Variants in SHISA9 observed in about 807,000 individuals in gnomAD.
SHISA9 encodes the protein shisa family member 9.
A neutral mutation model predicts 38.0 loss-of-function variants in SHISA9; 13 were observed. The ratio of observed to expected loss-of-function variants is 0.34; its 90% CI spans 0.22 to 0.54. The LOEUF (loss-of-function observed/expected upper bound fraction) is 0.54, where lower values mean the gene tolerates loss of function less well. Among genes scored for constraint, SHISA9 ranks in the 20% least tolerant of loss-of-function variants. The pLI is 0.91. For missense variants in SHISA9, 538 were observed against 575.8 expected (o/e 0.93, Z 0.67); for synonymous variants, 275 against 242.0 (o/e 1.14, Z -1.27).
At chr16:13,136,600 A>G (rs189038613) in intron 2 of SHISA9, among the ~76,000 whole-genome samples, 14 of 151,986 alleles carry the variant, frequency 9.2e-5, no homozygotes, top group Admixed American at 6.6e-4. Context: ...GGGTTTCACT[A>G]TGTTGGCTGG....
chr16:13,500,662 A>G, the SHISA9 span, among the ~76,000 whole-genome samples: 1 of 151,994 alleles, frequency 6.6e-6, no homozygotes. Flanking sequence ...GGGGAGAGAG[A>G]GACCAGAGAC....
chr16:13,151,162 AG>A (rs1405786635), intron 2 of SHISA9, among the ~76,000 whole-genome samples: 1 of 152,140 alleles, frequency 6.6e-6, no homozygotes, highest in Admixed American at 6.6e-5. Context: ...GCTGGAGTGC[AG>A]GGGTGCAATC....
chr16:13,081,435 A>T (rs899111562), intron 2 of SHISA9, among the ~76,000 whole-genome samples: 1 of 152,222 alleles, frequency 6.6e-6, no homozygotes, highest in Admixed American at 6.5e-5. Flanking sequence ...GAATAGGCCA[A>T]GGGAAACTGG....
At chr16:13,043,548 A>G (rs1388660563) in intron 2 of SHISA9, among the ~76,000 whole-genome samples, 1 of 152,104 alleles carries the variant, frequency 6.6e-6, no homozygotes, top group Non-Finnish European at 1.5e-5. Context: ...AATTGCAAAA[A>G]CCACAATTAC....
At chr16:13,442,168 A>G in the SHISA9 span, among the ~76,000 whole-genome samples, 3 of 152,258 alleles carry the variant, frequency 2.0e-5, no homozygotes, top group Admixed American at 2.0e-4. Context: ...TAGACCTCCT[A>G]GTTTTGTTGT....
At chr16:13,155,629 C>T (rs1395114398) in intron 2 of SHISA9, among the ~76,000 whole-genome samples, 1 of 151,922 alleles carries the variant, frequency 6.6e-6, no homozygotes, top group Non-Finnish European at 1.5e-5. Context: ...TACATATGCA[C>T]ATATGGTGGG....
At chr16:13,086,371 AAAAAGAAG>A (rs2073710881) in intron 2 of SHISA9, among the ~76,000 whole-genome samples, 1 of 140,890 alleles carries the variant, frequency 7.1e-6, no homozygotes, top group Admixed American at 8.2e-5. Flanking sequence ...AAAAAAAAAA[AAAAAGAAG>A]AAGAATATTG....
In SHISA9 at chr16:12,902,161, G is replaced by T. The variant is rs2071025373; in HGVS notation, c.97G>T (p.Ala33Ser). Residue 33 changes from alanine (A) to serine (S), a missense_variant, in exon 1 of 5, where the codon GCG becomes TCG. Ala to Ser is a moderately conservative substitution (Grantham distance 99). Around this residue, in one of 4 missense-constraint regions of SHISA9, gnomAD observed 107 missense variants for 103.0 expected, o/e 1.04. Coordinates refer to ENST00000558583, the MANE Select transcript of SHISA9 (RefSeq NM_001145204.3). Reference sequence around the variant, plus strand: ...GGAGCGAGCGGGACACGGGCAGCTGGCGCAACTGGGCGGCGTGTTGCTGCT... The same window carrying T: ...GGAGCGAGCGGGACACGGGCAGCTGTCGCAACTGGGCGGCGTGTTGCTGCT... ...AQERAGHGQL[A>S]QLGGVLLLAG... The T allele has an allele frequency of 6.5e-7, 1 of 1,527,266 alleles. No homozygotes were observed. Among genetic ancestry groups the T allele is most frequent in the Non-Finnish European group, 8.7e-7 (1 of 1,142,980 alleles). The allele number at this position is 1,527,266 out of a possible 1,614,324, so 94.6% of individuals were successfully genotyped here. A position where few individuals can be genotyped will look rare whatever the true frequency, so the allele number is the denominator to read the frequency against.
At chr16:13,146,023 A>G (rs943539671) in intron 2 of SHISA9, among the ~76,000 whole-genome samples, 5 of 152,360 alleles carry the variant, frequency 3.3e-5, no homozygotes, top group African/African-American at 1.2e-4. Context: ...CCCTGTCTTT[A>G]CTAAAGATAC....
chr16:13,124,186 C>T (rs2050237354), intron 2 of SHISA9, among the ~76,000 whole-genome samples: 2 of 152,214 alleles, frequency 1.3e-5, no homozygotes, highest in Non-Finnish European at 2.9e-5. Context: ...CAATTTACCT[C>T]TTAAAGCCTG....
chr16:13,294,044 C>T, the SHISA9 span, among the ~76,000 whole-genome samples: 18 of 152,274 alleles, frequency 1.2e-4, no homozygotes, highest in African/African-American at 4.1e-4. Flanking sequence ...GCAAGCTACA[C>T]AAGCAAGCCA....
chr16:13,483,541 C>G, the SHISA9 span, among the ~76,000 whole-genome samples: 1 of 152,064 alleles, frequency 6.6e-6, no homozygotes, highest in Non-Finnish European at 1.5e-5. Context: ...GCTTCCATAG[C>G]CTTTTTCCAG....
At chr16:12,969,087 G>A (rs1036408614) in intron 2 of SHISA9, among the ~76,000 whole-genome samples, 2 of 151,532 alleles carry the variant, frequency 1.3e-5, no homozygotes, top group Non-Finnish European at 2.9e-5. Context: ...AACCTAGGGG[G>A]CAAAGGTTAC....
At chr16:13,038,133 G>A (rs2073095680) in intron 2 of SHISA9, among the ~76,000 whole-genome samples, 1 of 152,158 alleles carries the variant, frequency 6.6e-6, no homozygotes, top group South Asian at 2.1e-4. Flanking sequence ...GGGATTACAG[G>A]TGTGCACCAT....
the SHISA9 span, among the ~76,000 whole-genome samples, chr16:13,256,623 C>G: frequency 6.6e-6 from 1 of 152,208 alleles, no homozygotes; most frequent in Non-Finnish European, 1.5e-5. Flanking sequence ...TTTCTCCCTA[C>G]TAGACTGGGG....
intron 2 of SHISA9, among the ~76,000 whole-genome samples, chr16:13,051,438 C>T (rs2073249932): frequency 6.6e-6 from 1 of 152,182 alleles, no homozygotes; most frequent in African/African-American, 2.4e-5. Context: ...GATGGGGACA[C>T]AGCAAAACCA....
chr16:12,982,388 G>T (rs745670432), intron 2 of SHISA9, among the ~76,000 whole-genome samples: 19 of 152,192 alleles, frequency 1.2e-4, no homozygotes, highest in African/African-American at 2.9e-4. Flanking sequence ...ATCTCAGAAG[G>T]TTCTGTTGGA....
At chr16:13,148,720 T>C (rs1344100155) in intron 2 of SHISA9, among the ~76,000 whole-genome samples, 2 of 108,684 alleles carry the variant, frequency 1.8e-5, no homozygotes, top group East Asian at 6.2e-4. Context: ...CACACACACA[T>C]CATGACTATA....
At chr16:13,400,736 C>A in the SHISA9 span, among the ~76,000 whole-genome samples, 127 of 152,298 alleles carry the variant, frequency 8.3e-4, no homozygotes, top group Non-Finnish European at 1.5e-3. Flanking sequence ...CTAGTTTATG[C>A]GGACAACCAG....
Sources: allele counts gnomAD v4.1 joint callset (sites outside exome capture counted in the v4.1 genomes callset), GRCh38; gene constraint gnomAD v4.1.1; regional missense constraint gnomAD v4.1.1; transcripts MANE v1.5; gene names NCBI Gene and HGNC (gene_info 2026-07-23, HGNC 2026-07-21).